IL22RA1: variants seen among roughly 807,000 people sequenced by gnomAD.
IL22RA1 encodes interleukin 22 receptor subunit alpha 1.
IL22RA1 carries 25 observed loss-of-function variants against 32.8 expected under a neutral mutation model. That is an observed-to-expected ratio of 0.76 (90% confidence interval 0.55 to 1.06). The LOEUF is 1.06. IL22RA1 is among the 50% of genes least tolerant of loss of function. The pLI is 0.00. For synonymous variants in IL22RA1, 305 were observed against 305.0 expected (o/e 1.00, Z 0.00); for missense variants, 709 against 727.4 (o/e 0.97, Z 0.29).
At chr1:24,126,996 C>T (rs925066586) in intron 5 of IL22RA1, among the ~76,000 whole-genome samples, 2 of 146,652 alleles carry the variant, frequency 1.4e-5, no homozygotes, top group African/African-American at 5.1e-5. Context: ...CAGGATGAAA[C>T]TCCGTCTCTA....
At chr1:24,135,949 A>G (rs750991728) in intron 3 of IL22RA1, among the ~76,000 whole-genome samples, 1 of 152,266 alleles carries the variant, frequency 6.6e-6, no homozygotes, top group East Asian at 1.9e-4. Flanking sequence ...CCATTCATTT[A>G]CTGAATATCT....
At chr1:24,130,795 C>T (rs1644199025) in intron 4 of IL22RA1, among the ~76,000 whole-genome samples, 1 of 152,208 alleles carries the variant, frequency 6.6e-6, no homozygotes, top group South Asian at 2.1e-4. Flanking sequence ...ACCTCCGCCT[C>T]CCAGGTTCAA....
chr1:24,134,644 G>A (rs746935433), intron 3 of IL22RA1, among the ~76,000 whole-genome samples: 9 of 152,188 alleles, frequency 5.9e-5, no homozygotes, highest in Non-Finnish European at 1.0e-4. Context: ...CAGTCCCCTA[G>A]CTTGGTCATG....
intron 4 of IL22RA1, among the ~76,000 whole-genome samples, chr1:24,129,056 C>T (rs1156945816): frequency 6.6e-6 from 1 of 152,174 alleles, no homozygotes; most frequent in Non-Finnish European, 1.5e-5. Context: ...ATCTGCCAAT[C>T]CTTCTGCTGG....
Position 24,143,115 on chromosome 1 carries a change from A to T in IL22RA1, c.-33T>A, listed in dbSNP as rs764148516. ...GGCACAGAGCCCTCCCTTGGCCTCTACTCTGCCGTGCACAGAGAGAGGGCT... is the reference window on the plus strand; with the variant it reads ...GGCACAGAGCCCTCCCTTGGCCTCTTCTCTGCCGTGCACAGAGAGAGGGCT... On this transcript the variant is annotated 5_prime_UTR_variant, in exon 1 of 7. Transcript: ENST00000270800. 1 of 1,588,464 alleles carries T rather than the reference A, an allele frequency of 6.3e-7. No homozygotes were observed. Among genetic ancestry groups the T allele is most frequent in the Non-Finnish European group, 8.6e-7 (1 of 1,166,284 alleles).
chr1:24,123,442 C>A lies in IL22RA1; in HGVS notation c.671-19G>T. 1 of 1,610,618 alleles carries A rather than the reference C, an allele frequency of 6.2e-7. No individual in the cohort carries two copies. Among genetic ancestry groups the A allele is most frequent in the East Asian group, 2.2e-5 (1 of 44,794 alleles). On this transcript the variant is annotated intron_variant, in intron 5 of 6. Transcript: ENST00000270800. Reference sequence around the variant, plus strand: ...GTCCGGTCTGGGAAACCAAAGGGGCCAGAGAAGGAAGCGTGAGGCTGGGCT... The same window carrying A: ...GTCCGGTCTGGGAAACCAAAGGGGCAAGAGAAGGAAGCGTGAGGCTGGGCT...
chr1:24,128,145 C>T lies in IL22RA1; in HGVS notation c.666G>A (p.Leu222=), dbSNP rs1644177540. 1.3e-6 allele frequency: 2 copies of T among 1,532,656 alleles called. No homozygotes were observed. Among genetic ancestry groups the T allele is most frequent in the African/African-American group, 2.8e-5 (2 of 71,760 alleles). 94.9% of individuals were successfully genotyped at this position (1,532,656 alleles called of 1,614,324 possible). Residue 222 remains leucine, a synonymous_variant, in exon 5 of 7, where the codon CTG becomes CTA. Transcript: ENST00000270800. ...TCTGGTTTCAGCCGAACTCACCTGG[C>T]AGTGTCTTCACTCGGCACATGTAGG... ...SAPYMCRVKT[L]PDRTWTYSFS... is the part of the protein sequence containing the mutation.
chr1:24,123,645 G>A lies in IL22RA1; in HGVS notation c.671-222C>T, dbSNP rs965828957. ...TTTTACACTGTTAAATAAATAAAAT[G>A]TTCGAGGTTTCCACCTTAACAAAAA... On this transcript the variant is annotated intron_variant, in intron 5 of 6. Coordinates refer to ENST00000270800, the MANE Select transcript of IL22RA1 (RefSeq NM_021258.4). The A allele has an allele frequency of 4.7e-5, 50 of 1,063,922 alleles. No individual in the cohort carries two copies. In the African/African-American group the frequency reaches 7.4e-4, roughly 16 times the overall value. The allele number at this position is 1,063,922 out of a possible 1,614,324, so 65.9% of individuals were successfully genotyped here.
In IL22RA1 at chr1:24,121,607, C is replaced by T. The variant is rs536808502; in HGVS notation, c.923G>A (p.Gly308Glu). 6.2e-7 allele frequency: 1 copy of T among 1,613,036 alleles called. No individual in the cohort carries two copies. Among genetic ancestry groups the T allele is most frequent in the Non-Finnish European group, 8.5e-7 (1 of 1,179,300 alleles). ...PVQYSQIRVS[G>E]PREPAGAPQR... is the part of the protein sequence containing the mutation. Reference sequence around the variant, plus strand: ...TGGAGCTCCTGCGGGCTCCCTGGGTCCAGACACCCTGATCTGGGAGTACTG... The same window carrying T: ...TGGAGCTCCTGCGGGCTCCCTGGGTTCAGACACCCTGATCTGGGAGTACTG... Residue 308 changes from glycine (G) to glutamate (E), a missense_variant, in exon 7 of 7, where the codon GGA becomes GAA. Transcript: ENST00000270800.
At chr1:24,140,718 A>T (rs1644275111) in intron 1 of IL22RA1, among the ~76,000 whole-genome samples, 1 of 152,216 alleles carries the variant, frequency 6.6e-6, no homozygotes, top group Non-Finnish European at 1.5e-5. Flanking sequence ...TGGGCTGTGG[A>T]GAGCAAGAGC....
In IL22RA1 at chr1:24,138,598, TGTAGACC is replaced by T. The variant is rs1203972614; in HGVS notation, c.153_159del (p.Val52AlafsTer28). On this transcript the variant is annotated frameshift_variant, in exon 2 of 7. Coordinates refer to ENST00000270800, the MANE Select transcript of IL22RA1 (RefSeq NM_021258.4). LOFTEE classifies it high-confidence loss of function. ...GAAGCCTACGTCTTATACTCGATGC[TGTAGACC>T]GTGTCTGGGGTGCCCTCCGGCCCGC... 1 of 1,614,070 alleles carries T rather than the reference TGTAGACC, an allele frequency of 6.2e-7. No homozygotes were observed. Among genetic ancestry groups the T allele is most frequent in the African/African-American group, 1.3e-5 (1 of 74,938 alleles).
intron 4 of IL22RA1, among the ~76,000 whole-genome samples, chr1:24,130,749 G>T (rs568921032): frequency 8.2e-4 from 125 of 152,324 alleles, no homozygotes; most frequent in African/African-American, 2.5e-3. Context: ...CTGTCACCCA[G>T]GTTGGAGTGC....
At chr1:24,134,805 C>T (rs16829209) in intron 3 of IL22RA1, 160,770 of 972,238 alleles carry the variant, frequency 0.17, 13,823 homozygotes, top group Middle Eastern at 0.26. Flanking sequence ...GGGCCTAATA[C>T]TATTGATGCA....
chr1:24,120,806 C>T lies in IL22RA1; in HGVS notation c.1724G>A (p.Ter575=). The T allele has an allele frequency of 6.3e-7, 1 of 1,592,784 alleles. No individual in the cohort carries two copies. The highest frequency in any genetic ancestry group is 8.6e-7 in the Non-Finnish European group (1 of 1,168,558). Reference sequence around the variant, plus strand: ...AGCACCAAGCCTTTCCCATTCCCCTCAGGACTCCCACTGCACAGTCAGGGC... The same window carrying T: ...AGCACCAAGCCTTTCCCATTCCCCTTAGGACTCCCACTGCACAGTCAGGGC... ...GLALTVQWES[*] The change falls in exon 7 of 7, where the codon TGA becomes TAA. Residue 575 remains the stop codon, a stop_retained_variant. Transcript: ENST00000270800.
chr1:24,133,323 C>T (rs898395748), intron 4 of IL22RA1, among the ~76,000 whole-genome samples: 19 of 151,910 alleles, frequency 1.3e-4, no homozygotes, highest in African/African-American at 4.4e-4. Context: ...CATCCTGCCC[C>T]ACCTCCCAAT....
At chr1:24,140,742 G>T (rs1416329866) in intron 1 of IL22RA1, among the ~76,000 whole-genome samples, 1 of 152,238 alleles carries the variant, frequency 6.6e-6, no homozygotes, top group Non-Finnish European at 1.5e-5. Context: ...CGGGAAAATG[G>T]CGGCCCAAGC....
chr1:24,130,982 G>A (rs901873941), intron 4 of IL22RA1, among the ~76,000 whole-genome samples: 3 of 152,210 alleles, frequency 2.0e-5, no homozygotes, highest in Non-Finnish European at 2.9e-5. Flanking sequence ...TGGGATTACA[G>A]GCGTGGGCCA....
chr1:24,140,027 A>G (rs1257452669), intron 1 of IL22RA1, among the ~76,000 whole-genome samples: 2 of 152,232 alleles, frequency 1.3e-5, no homozygotes, highest in South Asian at 2.1e-4. Flanking sequence ...GAGAACTTCA[A>G]TTGCCTCATC....
At chr1:24,141,999 G>T (rs897634060) in intron 1 of IL22RA1, among the ~76,000 whole-genome samples, 1 of 98,786 alleles carries the variant, frequency 1.0e-5, no homozygotes, top group Non-Finnish European at 2.4e-5. Context: ...TCTCCTAAGG[G>T]CTATTTCTTG....
Sources: gnomAD v4.1 joint callset for allele counts (sites outside exome capture counted in the v4.1 genomes callset) on GRCh38, gnomAD v4.1.1 for gene constraint, MANE v1.5 for transcripts, NCBI Gene and HGNC (gene_info 2026-07-23, HGNC 2026-07-21) for gene names.